Variants in PTPRD observed in about 807,000 individuals in gnomAD.
PTPRD encodes the protein receptor-type tyrosine-protein phosphatase delta.
A neutral mutation model predicts 214.5 loss-of-function variants in PTPRD; 34 were observed. That is an observed-to-expected ratio of 0.16 (90% CI 0.12 to 0.21). The LOEUF is 0.21. Among genes scored for constraint, PTPRD ranks in the 10% least tolerant of loss-of-function variants. The pLI, the probability that PTPRD is intolerant of heterozygous loss-of-function variation, is 1.00. For missense variants in PTPRD, 2,545 were observed against 2,398.7 expected (o/e 1.06, Z -1.27); for synonymous variants, 1,128 against 845.7 (o/e 1.33, Z -5.79).
intron 7 of PTPRD, among the ~76,000 whole-genome samples, chr9:9,618,170 T>C (rs1392806015): frequency 2.8e-5 from 4 of 143,378 alleles, no homozygotes; most frequent in East Asian, 4.5e-4. Flanking sequence ...TATTCCTTAA[T>C]ACATAAAAGG....
chr9:9,895,469 GATTA>G (rs1344840682), intron 5 of PTPRD, among the ~76,000 whole-genome samples: 3 of 151,884 alleles, frequency 2.0e-5, no homozygotes, highest in Admixed American at 2.0e-4. Flanking sequence ...CTGTTATAAT[GATTA>G]TTTAAATTTT....
intron 5 of PTPRD, among the ~76,000 whole-genome samples, chr9:9,859,008 G>A (rs10978041): frequency 1.3e-5 from 2 of 152,070 alleles, no homozygotes; most frequent in Admixed American, 6.6e-5. Flanking sequence ...GTCTAGGGAG[G>A]GACCTATTGG....
At chr9:10,358,970 A>T (rs1485645292) in intron 2 of PTPRD, among the ~76,000 whole-genome samples, 1 of 152,000 alleles carries the variant, frequency 6.6e-6, no homozygotes, top group Non-Finnish European at 1.5e-5. Context: ...CATAGAATTC[A>T]CATCTTTGTT....
chr9:8,790,387 T>G (rs1486398107), intron 11 of PTPRD, among the ~76,000 whole-genome samples: 1 of 148,236 alleles, frequency 6.7e-6, no homozygotes, highest in Non-Finnish European at 1.5e-5. Flanking sequence ...AGTGTTAGCC[T>G]CAGGAGAGTA....
intron 5 of PTPRD, among the ~76,000 whole-genome samples, chr9:9,897,866 A>G (rs10978072): frequency 0.28 from 42,523 of 151,998 alleles, 7,209 homozygotes; most frequent in East Asian, 0.51. Context: ...GTAAGAGCCT[A>G]ATAGTATACA....
chr9:10,122,575 G>C (rs994166504), intron 3 of PTPRD, among the ~76,000 whole-genome samples: 12 of 152,052 alleles, frequency 7.9e-5, no homozygotes, highest in African/African-American at 2.9e-4. Flanking sequence ...AGTTATGTTT[G>C]CCTACTGAAC....
intron 11 of PTPRD, among the ~76,000 whole-genome samples, chr9:8,893,136 A>G (rs2098556277): frequency 6.6e-6 from 1 of 152,114 alleles, no homozygotes; most frequent in Non-Finnish European, 1.5e-5. Context: ...GATAGAAGAC[A>G]TTTGAAGAGT....
At chr9:9,754,785 AG>A (rs2098553232) in intron 6 of PTPRD, among the ~76,000 whole-genome samples, 1 of 152,044 alleles carries the variant, frequency 6.6e-6, no homozygotes, top group African/African-American at 2.4e-5. Flanking sequence ...TTAGCATGTG[AG>A]GACAGCCTAT....
chr9:9,477,443 C>A (rs2095140453), intron 8 of PTPRD, among the ~76,000 whole-genome samples: 1 of 152,098 alleles, frequency 6.6e-6, no homozygotes, highest in African/African-American at 2.4e-5. Context: ...AATATTAAAT[C>A]AAAACTATCT....
intron 3 of PTPRD, among the ~76,000 whole-genome samples, chr9:10,210,731 T>A (rs1423780289): frequency 7.1e-6 from 1 of 141,844 alleles, no homozygotes; most frequent in African/African-American, 2.5e-5. Flanking sequence ...TTTATATATA[T>A]AAAATGCTTA....
intron 3 of PTPRD, among the ~76,000 whole-genome samples, chr9:10,308,276 C>T (rs1366415749): frequency 6.6e-6 from 1 of 152,006 alleles, no homozygotes; most frequent in African/African-American, 2.4e-5. Context: ...CATTATTCTG[C>T]ATATGGATGT....
At chr9:10,559,895 A>C (rs1420217323) in intron 2 of PTPRD, among the ~76,000 whole-genome samples, 1 of 152,138 alleles carries the variant, frequency 6.6e-6, no homozygotes, top group East Asian at 1.9e-4. Context: ...CAATCATTAA[A>C]AAGTCAGGAA....
At chr9:10,395,340 G>C (rs111910905) in intron 2 of PTPRD, among the ~76,000 whole-genome samples, 6,460 of 150,936 alleles carry the variant, frequency 0.043, 454 homozygotes, top group African/African-American at 0.14. Flanking sequence ...CTATGAGTGA[G>C]AACATGCGGT....
At chr9:9,647,462 C>A (rs2096223581) in intron 7 of PTPRD, among the ~76,000 whole-genome samples, 1 of 151,968 alleles carries the variant, frequency 6.6e-6, no homozygotes, top group Non-Finnish European at 1.5e-5. Context: ...TTATTTTAAG[C>A]CTGGGTTAAA....
intron 4 of PTPRD, among the ~76,000 whole-genome samples, chr9:9,978,914 A>T (rs1021067136): frequency 6.6e-6 from 1 of 152,044 alleles, no homozygotes; most frequent in Non-Finnish European, 1.5e-5. Context: ...AGGAATGAAA[A>T]CAACAACAAC....
At chr9:8,962,293 G>A (rs990884377) in intron 11 of PTPRD, 12 of 152,116 alleles carry the variant, frequency 7.9e-5, no homozygotes, top group African/African-American at 2.7e-4. Context: ...TGATGAGGTG[G>A]TCAGTCTAGG....
At chr9:10,285,260 T>C in intron 3 of PTPRD, among the ~76,000 whole-genome samples, 1 of 142,134 alleles carries the variant, frequency 7.0e-6, no homozygotes, top group Non-Finnish European at 1.5e-5. Context: ...GCAAAGAGAC[T>C]ACTTGTTTTC....
At chr9:9,005,283 G>C (rs1016268658) in intron 11 of PTPRD, among the ~76,000 whole-genome samples, 1 of 151,976 alleles carries the variant, frequency 6.6e-6, no homozygotes, top group Non-Finnish European at 1.5e-5. Flanking sequence ...GTGACAATTT[G>C]CTCCTCAATA....
At position 9,830,875 on chromosome 9, in the gene PTPRD, T is replaced by C. The variant is rs545418734; in HGVS notation, c.-367-64024A>G. On this transcript the variant is annotated intron_variant, in intron 5 of 45. Transcript: ENST00000381196. ...TATATTCCTTTTCTACTTAATTATT[T>C]TTTTTTACTGTTTCTTAGAATCAAA... 3.3e-5 allele frequency among the ~76,000 whole-genome samples: 5 copies of C among 152,050 alleles called. No individual in the cohort carries two copies. The South Asian group carries it at 6.2e-4, about 19-fold the overall frequency.
Sources: allele counts gnomAD v4.1 joint callset (sites outside exome capture counted in the v4.1 genomes callset), GRCh38; gene constraint gnomAD v4.1.1; transcripts MANE v1.5; gene names NCBI Gene and HGNC (gene_info 2026-07-23, HGNC 2026-07-21).